The following NEK5 variants were observed in gnomAD, a reference collection of about 807,000 sequenced individuals.
The protein encoded by NEK5 is serine/threonine-protein kinase Nek5.
Under a neutral mutation model 109.2 loss-of-function variants are expected in NEK5, and 88 were observed. The ratio of observed to expected loss-of-function variants is 0.81; its 90% CI spans 0.68 to 0.96. The LOEUF (loss-of-function observed/expected upper bound fraction) is 0.96, where lower values mean the gene tolerates loss of function less well. Among genes scored for constraint, NEK5 ranks in the 40% least tolerant of loss-of-function variants. NEK5 has a pLI of 0.00. For missense variants in NEK5, 834 were observed against 920.7 expected (o/e 0.91, Z 1.22); for synonymous variants, 283 against 299.9 (o/e 0.94, Z 0.58).
chr13:52,109,915 C>T (rs1016985504), intron 7 of NEK5, among the ~76,000 whole-genome samples: 1 of 152,116 alleles, frequency 6.6e-6, no homozygotes, highest in Non-Finnish European at 1.5e-5. Flanking sequence ...GGTTGTAGAC[C>T]GGCCACCTTG....
In NEK5 at chr13:52,034,348, A is replaced by G. The variant is rs2140860063; in HGVS notation, c.*2600T>C. 1 of 152,326 alleles carries G rather than the reference A, an allele frequency of 6.6e-6. No individual in the cohort carries two copies. Among genetic ancestry groups the G allele is most frequent in the South Asian group, 2.1e-4 (1 of 4,830 alleles). 9.4% of individuals were successfully genotyped at this position (152,326 alleles called of 1,614,324 possible). A position where few individuals can be genotyped will look rare whatever the true frequency, so the allele number is the denominator to read the frequency against. ...GAATTAGGGACTAAAATCAGCTGAA[A>G]GTGTTGCAGATATGTATACTTATCA... On this transcript the variant is annotated 3_prime_UTR_variant, in exon 24 of 24. Coordinates refer to ENST00000684899, the MANE Select transcript of NEK5 (RefSeq NM_001365552.1).
intron 13 of NEK5, among the ~76,000 whole-genome samples, chr13:52,092,270 T>C (rs1380484897): frequency 2.0e-5 from 3 of 152,208 alleles, no homozygotes; most frequent in East Asian, 3.8e-4. Context: ...AATTATAATA[T>C]ACATTACATC....
At chr13:52,055,621 C>T (rs1954547475) in intron 22 of NEK5, among the ~76,000 whole-genome samples, 1 of 151,998 alleles carries the variant, frequency 6.6e-6, no homozygotes, top group African/African-American at 2.4e-5. Context: ...CTCTACAAGC[C>T]AGAACAGAGG....
At chr13:52,104,340 G>A (rs1955607016) in intron 9 of NEK5, among the ~76,000 whole-genome samples, 158 bp downstream of exon 9, 1 of 152,104 alleles carries the variant, frequency 6.6e-6, no homozygotes, top group African/African-American at 2.4e-5. Context: ...AATATTGCTT[G>A]GACAGCTTTC....
chr13:52,087,317 T>C (rs772944507), intron 15 of NEK5, 21 bp downstream of exon 15: 3 of 1,182,610 alleles, frequency 2.5e-6, no homozygotes, highest in Non-Finnish European at 2.5e-6. Flanking sequence ...AGGGTAGCCC[T>C]GGAATTAAAC....
At chr13:52,065,428 G>A (rs1954670516) in intron 21 of NEK5, 56 bp downstream of exon 21, 2 of 1,612,504 alleles carry the variant, frequency 1.2e-6, no homozygotes, top group Non-Finnish European at 1.7e-6. Flanking sequence ...TGAGCACTGG[G>A]CTGTACGGGT....
intron 11 of NEK5, 43 bp from the exon 12 acceptor site, chr13:52,099,919 G>T (rs751032204): frequency 6.1e-6 from 9 of 1,468,194 alleles, no homozygotes; most frequent in South Asian, 5.7e-5. Context: ...TTTAAAAATT[G>T]TACACCATTA....
intron 3 of NEK5, among the ~76,000 whole-genome samples, chr13:52,120,786 C>A (rs188471348): frequency 6.6e-6 from 1 of 151,998 alleles, no homozygotes; most frequent in African/African-American, 2.4e-5. Flanking sequence ...GTGGCACACA[C>A]CTGTGGTCTC....
At chr13:52,044,845 G>C (rs1053774866) in intron 23 of NEK5, among the ~76,000 whole-genome samples, 7 of 152,078 alleles carry the variant, frequency 4.6e-5, no homozygotes. Flanking sequence ...ACGAAAAGAG[G>C]CCTTTGGATT....
intron 21 of NEK5, among the ~76,000 whole-genome samples, chr13:52,064,493 G>T (rs1384648302): frequency 1.3e-4 from 20 of 148,182 alleles, no homozygotes; most frequent in African/African-American, 5.0e-4. Context: ...GTCTGGGAGG[G>T]AGGTGGGGGG....
intron 22 of NEK5, among the ~76,000 whole-genome samples, 184 bp downstream of exon 22, chr13:52,061,635 G>T (rs1248962151): frequency 6.6e-6 from 1 of 152,178 alleles, no homozygotes; most frequent in Non-Finnish European, 1.5e-5. Flanking sequence ...CTCCTGGAAA[G>T]CTCATGTCTT....
chr13:52,041,526 G>A (rs941493564), intron 23 of NEK5, among the ~76,000 whole-genome samples: 3 of 151,736 alleles, frequency 2.0e-5, no homozygotes, highest in African/African-American at 4.8e-5. Context: ...TCAGGAGTTC[G>A]AGACCAGCCT....
chr13:52,094,593 C>T (rs1043732556), intron 12 of NEK5, among the ~76,000 whole-genome samples: 4 of 152,174 alleles, frequency 2.6e-5, no homozygotes, highest in Non-Finnish European at 5.9e-5. Context: ...ACCACCATGG[C>T]TAACAAGGTG....
chr13:52,091,607 A>G (rs1344817437), intron 13 of NEK5, among the ~76,000 whole-genome samples: 3 of 152,168 alleles, frequency 2.0e-5, no homozygotes, highest in Non-Finnish European at 4.4e-5. Context: ...CCAAAATTTC[A>G]ACAATAAACA....
intron 13 of NEK5, among the ~76,000 whole-genome samples, chr13:52,089,947 G>A (rs1168465484): frequency 6.6e-6 from 1 of 151,214 alleles, no homozygotes; most frequent in Non-Finnish European, 1.5e-5. Flanking sequence ...GAGTGACAGA[G>A]TGAGACTCCA....
chr13:52,113,892 C>T (rs1030607249), intron 4 of NEK5, among the ~76,000 whole-genome samples: 1 of 152,162 alleles, frequency 6.6e-6, no homozygotes, highest in Non-Finnish European at 1.5e-5. Context: ...CACAATGAGG[C>T]GGACCATCTA....
Position 52,119,239 on chromosome 13 carries a change from T to A in NEK5, c.214+80A>T, listed in dbSNP as rs945920846. On this transcript the variant is annotated intron_variant, in intron 4 of 23. Transcript: ENST00000684899. ...TTTACAAAAATTAATTTATACACAG[T>A]CCTTAGGAACAAATCTTTTTACATA... 5.8e-6 allele frequency: 4 copies of A among 691,092 alleles called. No homozygotes were observed. In the South Asian group the frequency reaches 1.1e-4, roughly 20 times the overall value. 42.8% of individuals were successfully genotyped at this position (691,092 alleles called of 1,614,324 possible).
chr13:52,126,549 G>C (rs1359138000), intron 3 of NEK5, among the ~76,000 whole-genome samples: 1 of 152,138 alleles, frequency 6.6e-6, no homozygotes, highest in Non-Finnish European at 1.5e-5. Context: ...AGGCCAAGGC[G>C]GGCAGATCAC....
At chr13:52,045,267 C>T (rs1954447284) in intron 23 of NEK5, among the ~76,000 whole-genome samples, 1 of 149,186 alleles carries the variant, frequency 6.7e-6, no homozygotes, top group Admixed American at 6.7e-5. Flanking sequence ...GTAGCTGGGA[C>T]GACAGGCACC....
Sources: gnomAD v4.1 joint callset for allele counts (sites outside exome capture counted in the v4.1 genomes callset) on GRCh38, gnomAD v4.1.1 for gene constraint, MANE v1.5 for transcripts, NCBI Gene and HGNC (gene_info 2026-07-23, HGNC 2026-07-21) for gene names.